The following CPT1C variants were observed in gnomAD, a reference collection of about 807,000 sequenced individuals.
CPT1C encodes the protein palmitoyl thioesterase CPT1C.
A neutral mutation model predicts 97.3 loss-of-function variants in CPT1C; 61 were observed. That is an observed-to-expected ratio of 0.63 (90% CI 0.51 to 0.78). CPT1C has a LOEUF of 0.78. Among genes scored for constraint, CPT1C ranks in the 30% least tolerant of loss-of-function variants. CPT1C has a pLI of 0.00. For synonymous variants in CPT1C, 469 were observed against 447.2 expected (o/e 1.05, Z -0.61); for missense variants, 975 against 1,065.5 (o/e 0.92, Z 1.18).
Position 49,704,699 on chromosome 19 carries a change from C to A in CPT1C, c.694-11C>A. On this transcript the variant is annotated splice_polypyrimidine_tract_variant and intron_variant, in intron 7 of 19. Transcript: ENST00000598293. ...AGCCCCTCACTGTGTGTCTCCCCAC[C>A]CCGCTCCCAGGTCAGTGACTGGTGG... 6.2e-7 allele frequency: 1 copy of A among 1,612,958 alleles called. No homozygotes were observed. The highest frequency in any genetic ancestry group is 8.5e-7 in the Non-Finnish European group (1 of 1,179,218).
At position 49,713,596 on chromosome 19, in the gene CPT1C, C is replaced by T. The variant is rs901539833; in HGVS notation, c.2403C>T (p.Thr801=). Residue 801 remains threonine, a synonymous_variant, in exon 20 of 20, where the codon ACC becomes ACT. Coordinates refer to ENST00000598293, the MANE Select transcript of CPT1C (RefSeq NM_001199753.2). ...TGASKASMTS[T]DF The stretch of plus-strand genomic sequence containing the variant: ...CCTCCAAGGCCTCAATGACATCCAC[C>T]GACTTCTGACTCCTTCCAGCAGGCA... 14 of 1,608,974 alleles carry T rather than the reference C, an allele frequency of 8.7e-6. No individual in the cohort carries two copies. The highest frequency in any genetic ancestry group is 1.7e-5 in the Admixed American group (1 of 58,982).
At chr19:49,710,641 G>A (rs1368240051) in intron 15 of CPT1C, 82 bp from the exon 16 acceptor site, 2 of 1,578,738 alleles carry the variant, frequency 1.3e-6, no homozygotes, top group South Asian at 2.2e-5. Context: ...GAGGAGGCTG[G>A]AGGTCTGGAC....
chr19:49,708,938 C>A, intron 14 of CPT1C, 99 bp downstream of exon 14: 2 of 765,928 alleles, frequency 2.6e-6, no homozygotes, highest in South Asian at 1.6e-5. Context: ...AAATCAACCC[C>A]ATTCCTACCC....
At chr19:49,709,493 C>A (rs1355569845) in intron 14 of CPT1C, among the ~76,000 whole-genome samples, 4 of 151,994 alleles carry the variant, frequency 2.6e-5, no homozygotes, top group African/African-American at 9.7e-5. Flanking sequence ...ATCCCCAACC[C>A]CAGCTTCAAC....
intron 7 of CPT1C, 139 bp from the exon 8 acceptor site, chr19:49,704,571 G>C: frequency 1.5e-6 from 1 of 666,076 alleles, no homozygotes; most frequent in Non-Finnish European, 2.7e-6. Context: ...GTGATCGCTA[G>C]TTACTGACTA....
Position 49,706,922 on chromosome 19 carries a change from C to T in CPT1C, c.1343+509C>T, listed in dbSNP as rs576510499. Among the ~76,000 whole-genome samples, 1 of 152,274 alleles carries T rather than the reference C, an allele frequency of 6.6e-6. No individual in the cohort carries two copies. The highest frequency in any genetic ancestry group is 6.5e-5 in the Admixed American group (1 of 15,292). ...GAATTCCTAGGCCCCAGGGGGGTCC[C>T]GCTGACCTCCCAGCACCCCCAAAAG... On this transcript the variant is annotated intron_variant, in intron 12 of 19. Transcript: ENST00000598293. The surrounding 1 kb of genome is among the most constrained non-coding windows in gnomAD (Gnocchi z 4.8).
chr19:49,692,876 C>T (rs937169017), intron 3 of CPT1C, among the ~76,000 whole-genome samples: 5 of 152,074 alleles, frequency 3.3e-5, no homozygotes, highest in Non-Finnish European at 7.4e-5. Context: ...TTGGCGCACG[C>T]CACCATGCCT....
intron 7 of CPT1C, among the ~76,000 whole-genome samples, chr19:49,703,516 TTCTC>T (rs1351076579): frequency 6.9e-6 from 1 of 145,366 alleles, no homozygotes. Context: ...CTTTCTTTCT[TTCTC>T]TATCTTTCTC....
Position 49,700,744 on chromosome 19 carries a change from G to C in CPT1C, c.342G>C (p.Leu114Phe), listed in dbSNP as rs1412637199. The stretch of plus-strand genomic sequence containing the variant: ...CAGCCGCGCTGTTTGCCTCGTGTTT[G>C]TGGGGAGCCCTGATCTTCACACTGC... The part of the protein sequence containing the change: ...VLAAALFASC[L>F]WGALIFTLHV... The change falls in exon 5 of 20, where the codon TTG becomes TTC. Residue 114 changes from leucine to phenylalanine, a missense_variant. Physicochemically the swap from Leu to Phe is conservative, Grantham distance 22 (BLOSUM62 0). Transcript: ENST00000598293. 1.9e-6 allele frequency: 3 copies of C among 1,612,902 alleles called. No individual in the cohort carries two copies. The highest frequency in any genetic ancestry group is 2.5e-6 in the Non-Finnish European group (3 of 1,180,020).
intron 4 of CPT1C, among the ~76,000 whole-genome samples, chr19:49,699,482 A>C (rs2082873777): frequency 6.7e-6 from 1 of 149,310 alleles, no homozygotes; most frequent in Admixed American, 6.7e-5. Context: ...AAAAAAAAAA[A>C]AAAAAAAAAT....
At chr19:49,701,092 A>ACTCTCTCTGGGTCTCTGCCCCCCT (rs1568516518) in intron 5 of CPT1C, among the ~76,000 whole-genome samples, 10 of 12,994 alleles carry the variant, frequency 7.7e-4, no homozygotes, top group East Asian at 4.5e-3. Flanking sequence ...TCTACCCCCG[A>ACTCTCTCTGGGTCTCTGCCCCCCT]CTCTCTCTGG....
At position 49,700,874 on chromosome 19, in the gene CPT1C, C is replaced by T; in HGVS notation, c.453+19C>T. ...CTGGCTGGTATGGGAGGGGCATAGC[C>T]CTGCTCAGGCTCTCCTGGGACCCGC... On this transcript the variant is annotated intron_variant, in intron 5 of 19. Transcript: ENST00000598293. 1.9e-6 allele frequency: 3 copies of T among 1,606,892 alleles called. No individual in the cohort carries two copies. The highest frequency in any genetic ancestry group is 2.5e-6 in the Non-Finnish European group (3 of 1,177,430).
intron 7 of CPT1C, among the ~76,000 whole-genome samples, chr19:49,702,034 T>TATATTTATTTATAAATTATAAATAA (rs2083153818): frequency 1.0e-5 from 1 of 96,910 alleles, no homozygotes; most frequent in East Asian, 2.3e-4. Flanking sequence ...ATTATAAATA[T>TATATTTATTTATAAATTATAAATAA]ATATTTATTT....
chr19:49,702,377 C>T (rs979763575), intron 7 of CPT1C, among the ~76,000 whole-genome samples: 9 of 150,558 alleles, frequency 6.0e-5, no homozygotes, highest in Admixed American at 2.0e-4. Flanking sequence ...CAGCAGGTTG[C>T]GAGGCCAAGG....
At chr19:49,701,678 G>A (rs757304298) in intron 7 of CPT1C, 44 bp downstream of exon 7, 3 of 1,547,824 alleles carry the variant, frequency 1.9e-6, no homozygotes, top group Admixed American at 1.8e-5. Flanking sequence ...GAAGGGCTAA[G>A]GTTGTGAGCT....
chr19:49,703,248 C>T (rs139782588), intron 7 of CPT1C, among the ~76,000 whole-genome samples: 4,102 of 151,070 alleles, frequency 0.027, 140 homozygotes, highest in East Asian at 0.14. Context: ...CTCACTCTGT[C>T]GCCCAGGCTG....
At chr19:49,708,503 A>G (rs966806431) in intron 13 of CPT1C, among the ~76,000 whole-genome samples, 2 of 152,118 alleles carry the variant, frequency 1.3e-5, no homozygotes, top group Non-Finnish European at 2.9e-5. Context: ...CCCTGTCAAA[A>G]AAGGAAAAGA....
In CPT1C at chr19:49,706,236, C is replaced by G. The variant is rs769810756; in HGVS notation, c.1166C>G (p.Thr389Arg). 1 of 1,533,300 alleles carries G rather than the reference C, an allele frequency of 6.5e-7. No individual in the cohort carries two copies. Among genetic ancestry groups the G allele is most frequent in the East Asian group, 2.3e-5 (1 of 43,246 alleles). The allele number at this position is 1,533,300 out of a possible 1,614,324, so 95.0% of individuals were successfully genotyped here. The change falls in exon 12 of 20, where the codon ACG becomes AGG. Residue 389 changes from threonine to arginine, a missense_variant. This residue lies in a region of CPT1C where 596 missense variants were observed against 603.1 expected (regional missense o/e 0.99). Coordinates refer to ENST00000598293, the MANE Select transcript of CPT1C (RefSeq NM_001199753.2). This position sits in a 1 kb window ranked among gnomAD's most constrained non-coding sequence, Gnocchi z 4.8. Reference protein sequence around the residue: ...LAALTAAPRGTWAQVRTSLKT... With the variant: ...LAALTAAPRGRWAQVRTSLKT... ...GCACATCCCGGGCCCTCCAGGGGCA[C>G]GTGGGCCCAGGTGCGGACATCCCTG...
At chr19:49,705,163 T>C (rs2083430719) in intron 9 of CPT1C, 49 bp downstream of exon 9, 1 of 1,612,352 alleles carries the variant, frequency 6.2e-7, no homozygotes, top group Non-Finnish European at 8.5e-7. Context: ...CCTGTGGCCT[T>C]TGGGCCACGT....
Sources: allele counts gnomAD v4.1 joint callset (sites outside exome capture counted in the v4.1 genomes callset), GRCh38; gene constraint gnomAD v4.1.1; regional missense constraint gnomAD v4.1.1; non-coding constraint Gnocchi (gnomAD v3.1); transcripts MANE v1.5; gene names NCBI Gene and HGNC (gene_info 2026-07-23, HGNC 2026-07-21).